DOCK5: variants seen among roughly 807,000 people sequenced by gnomAD.
The protein encoded by DOCK5 is dedicator of cytokinesis 5.
In DOCK5, 142 loss-of-function variants were observed where a neutral mutation model predicts 251.8. The observed-to-expected ratio is 0.56, with a 90% CI of 0.49 to 0.65. The LOEUF is 0.65. Among genes scored for constraint, DOCK5 ranks in the 30% least tolerant of loss-of-function variants. The pLI, the probability that DOCK5 is intolerant of heterozygous loss-of-function variation, is 0.00. For synonymous variants in DOCK5, 842 were observed against 835.5 expected (o/e 1.01, Z -0.13); for missense variants, 2,111 against 2,312.3 (o/e 0.91, Z 1.79).
Position 25,271,472 on chromosome 8 carries a change from T to C in DOCK5, c.168+2587T>C, listed in dbSNP as rs1332966658. Reference sequence around the variant, plus strand: ...TAAGAGATCAGCTCATTAGAAACGCTCTCCTGTGCTGTGTCCCTCATTTCT... The same window carrying C: ...TAAGAGATCAGCTCATTAGAAACGCCCTCCTGTGCTGTGTCCCTCATTTCT... On this transcript the variant is annotated intron_variant, in intron 3 of 51. Transcript: ENST00000276440. 1.3e-5 allele frequency among the ~76,000 whole-genome samples: 2 copies of C among 152,180 alleles called. 1 individual carries two copies. The highest frequency in any genetic ancestry group is 3.9e-4 in the East Asian group (2 of 5,186).
intron 1 of DOCK5, among the ~76,000 whole-genome samples, chr8:25,214,407 A>G (rs1802178994): frequency 1.3e-5 from 2 of 152,126 alleles, no homozygotes. Context: ...TCCTGGGCAC[A>G]TGAGTGGGGA....
At chr8:25,206,743 G>C (rs1025294730) in intron 1 of DOCK5, among the ~76,000 whole-genome samples, 3 of 152,204 alleles carry the variant, frequency 2.0e-5, no homozygotes, top group Non-Finnish European at 4.4e-5. Flanking sequence ...TTGACGCAAA[G>C]AAGTAAGTAC....
At chr8:25,354,064 A>C (rs113387525) in intron 27 of DOCK5, among the ~76,000 whole-genome samples, 12,971 of 136,506 alleles carry the variant, frequency 0.095, 883 homozygotes, top group East Asian at 0.25. Context: ...AAAAAAAAAA[A>C]CGTAGGAGAG....
At chr8:25,268,766 C>T (rs1177653156) in intron 2 of DOCK5, 79 bp from the exon 3 acceptor site, 13 of 1,206,860 alleles carry the variant, frequency 1.1e-5, no homozygotes, top group African/African-American at 1.6e-5. Context: ...GCTAATAGAA[C>T]ATGAGAGTAT....
chr8:25,250,774 TG>T (rs1020328688), intron 2 of DOCK5, among the ~76,000 whole-genome samples: 6 of 152,110 alleles, frequency 3.9e-5, no homozygotes, highest in African/African-American at 1.4e-4. Flanking sequence ...ACAAATGCTA[TG>T]GGGAGAAGAG....
intron 25 of DOCK5, among the ~76,000 whole-genome samples, chr8:25,344,009 A>T (rs1392232316): frequency 6.6e-6 from 1 of 152,104 alleles, no homozygotes; most frequent in Non-Finnish European, 1.5e-5. Context: ...GGGTTTCACC[A>T]TGTTGGCCAG....
intron 1 of DOCK5, among the ~76,000 whole-genome samples, chr8:25,225,631 G>A (rs1025289512): frequency 9.9e-5 from 15 of 151,866 alleles, no homozygotes; most frequent in South Asian, 2.1e-4. Context: ...GCATGAACCC[G>A]GGATGCGGAG....
chr8:25,299,101 G>C lies in DOCK5; in HGVS notation c.764G>C (p.Ser255Thr), dbSNP rs771611717. ...LYDPDQSTFISENYLIRWGSN... is the reference protein window; with the variant it reads ...LYDPDQSTFITENYLIRWGSN... ...GACCCAGACCAGTCCACTTTTATCA[G>C]GTAGCAGAGACCCACATCCCCTGCT... Residue 255 changes from serine to threonine, a missense_variant and splice_region_variant, in exon 8 of 52, where the codon AGT becomes ACT. Ser to Thr is a moderately conservative substitution (Grantham distance 58). Transcript: ENST00000276440. The C allele has an allele frequency of 1.4e-5, 22 of 1,613,030 alleles. No homozygotes were observed. The highest frequency in any genetic ancestry group is 1.9e-5 in the Non-Finnish European group (22 of 1,179,494).
At chr8:25,310,827 T>C (rs1805072978) in intron 13 of DOCK5, among the ~76,000 whole-genome samples, 1 of 152,162 alleles carries the variant, frequency 6.6e-6, no homozygotes, top group Middle Eastern at 3.2e-3. Flanking sequence ...AGTGTGCAAG[T>C]ACAGTACACT....
At chr8:25,347,419 T>C (rs551854431) in intron 26 of DOCK5, among the ~76,000 whole-genome samples, 1 of 152,358 alleles carries the variant, frequency 6.6e-6, no homozygotes, top group African/African-American at 2.4e-5. Context: ...AGTATGTTTA[T>C]AGAAACCACA....
chr8:25,361,528 C>T (rs1207080770), intron 28 of DOCK5, among the ~76,000 whole-genome samples: 6 of 152,162 alleles, frequency 3.9e-5, no homozygotes, highest in African/African-American at 9.7e-5. Flanking sequence ...GCAGCAGAAT[C>T]GCTTGAACCC....
At position 25,247,962 on chromosome 8, in the gene DOCK5, CG is replaced by C. The variant is rs562172541; in HGVS notation, c.127+4206del. ...AACTGCTACCATAACATTTTTGCTG[CG>C]TCAGCCGTAGAACTTTTTCATCTCA... On this transcript the variant is annotated intron_variant, in intron 2 of 51. Transcript: ENST00000276440. 8.9e-4 allele frequency among the ~76,000 whole-genome samples: 136 copies of C among 152,198 alleles called. 2 individuals are homozygous for C. The South Asian group carries it at 0.027, about 30-fold the overall frequency.
At chr8:25,382,990 C>A (rs1339899456) in intron 40 of DOCK5, among the ~76,000 whole-genome samples, 6 of 152,076 alleles carry the variant, frequency 3.9e-5, no homozygotes, top group Non-Finnish European at 8.8e-5. Flanking sequence ...AATGACTTTT[C>A]CCAGGTGCAG....
At chr8:25,299,864 A>T (rs183122695) in intron 8 of DOCK5, among the ~76,000 whole-genome samples, 1,800 of 152,290 alleles carry the variant, frequency 0.012, 15 homozygotes, top group Middle Eastern at 0.031. Context: ...TTTAAAAAAA[A>T]TTTTTTAATG....
At chr8:25,298,565 G>A (rs918957507) in intron 7 of DOCK5, among the ~76,000 whole-genome samples, 1 of 151,976 alleles carries the variant, frequency 6.6e-6, no homozygotes, top group African/African-American at 2.4e-5. Context: ...CTTCCTCTCG[G>A]GTGTTATCTG....
intron 5 of DOCK5, among the ~76,000 whole-genome samples, chr8:25,291,677 C>T (rs551575213): frequency 1.5e-4 from 8 of 55,104 alleles, no homozygotes; most frequent in South Asian, 1.4e-3. Flanking sequence ...AGCAAGACTC[C>T]GTCTCAAAAA....
At chr8:25,190,740 T>C (rs374787607) in intron 1 of DOCK5, among the ~76,000 whole-genome samples, 2 of 146,804 alleles carry the variant, frequency 1.4e-5, no homozygotes, top group South Asian at 2.2e-4. Context: ...ATAATTATAA[T>C]GACCCGAAGA....
chr8:25,291,972 C>G, intron 5 of DOCK5, 52 bp from the exon 6 acceptor site: 8 of 1,478,788 alleles, frequency 5.4e-6, no homozygotes, highest in Non-Finnish European at 7.2e-6. Context: ...TTCCCATCCT[C>G]TGTCACACCT....
rs186880718 is a variant in DOCK5 at position 25,269,981 on chromosome 8, G to A, written c.168+1096G>A. 4.2e-3 allele frequency among the ~76,000 whole-genome samples: 634 copies of A among 152,216 alleles called. 6 individuals carry two copies. Among genetic ancestry groups the A allele is most frequent in the African/African-American group, 0.015 (612 of 41,532 alleles). The stretch of plus-strand genomic sequence containing the variant: ...GGCCCAGGAAAACACCTTTCTACAA[G>A]GTATAGTTCATTAGAAACCAGGACT... On this transcript the variant is annotated intron_variant, in intron 3 of 51. Transcript: ENST00000276440.
Sources: allele counts gnomAD v4.1 joint callset (sites outside exome capture counted in the v4.1 genomes callset), GRCh38; gene constraint gnomAD v4.1.1; transcripts MANE v1.5; gene names NCBI Gene and HGNC (gene_info 2026-07-23, HGNC 2026-07-21).